The following SLC7A2 variants were observed in gnomAD, a reference collection of about 807,000 sequenced individuals.
SLC7A2 encodes cationic amino acid transporter 2.
SLC7A2 carries 48 observed loss-of-function variants against 58.9 expected under a neutral mutation model. That is an observed-to-expected ratio of 0.82 (90% CI 0.65 to 1.04). The LOEUF is 1.04. Ranked by LOEUF, SLC7A2 falls within the 50% of genes least tolerant of loss-of-function variation. The probability of loss-of-function intolerance (pLI) is 0.00; values close to 1 mark genes in which losing one functional copy is unlikely to be tolerated. For synonymous variants in SLC7A2, 363 were observed against 314.5 expected (o/e 1.15, Z -1.63); for missense variants, 1,029 against 818.8 (o/e 1.26, Z -3.13).
intron 2 of SLC7A2, among the ~76,000 whole-genome samples, chr8:17,521,253 C>G (rs1801003181): frequency 6.6e-6 from 1 of 152,084 alleles, no homozygotes; most frequent in Admixed American, 6.5e-5. Flanking sequence ...AAGGGAAATA[C>G]TTGTAGAGCT....
intron 2 of SLC7A2, among the ~76,000 whole-genome samples, chr8:17,509,880 A>G (rs952013279): frequency 7.2e-5 from 11 of 152,080 alleles, no homozygotes; most frequent in Non-Finnish European, 1.6e-4. Flanking sequence ...TTTCATTTCA[A>G]GCAGAACTGT....
intron 2 of SLC7A2, among the ~76,000 whole-genome samples, chr8:17,508,310 C>T (rs1362137155): frequency 5.3e-5 from 8 of 152,082 alleles, no homozygotes; most frequent in Admixed American, 2.0e-4. Context: ...CTACAGAGTA[C>T]AAGAGAAATG....
intron 2 of SLC7A2, among the ~76,000 whole-genome samples, chr8:17,531,577 A>T (rs541062368): frequency 6.6e-6 from 1 of 151,982 alleles, no homozygotes; most frequent in Non-Finnish European, 1.5e-5. Context: ...TTGATCAATG[A>T]TTCCAAAATA....
intron 2 of SLC7A2, among the ~76,000 whole-genome samples, chr8:17,518,974 G>C (rs1800909480): frequency 6.6e-6 from 1 of 152,116 alleles, no homozygotes; most frequent in African/African-American, 2.4e-5. Context: ...TTGGTAGAGA[G>C]AGAACACCAG....
intron 2 of SLC7A2, among the ~76,000 whole-genome samples, chr8:17,511,907 T>C (rs1800619078): frequency 6.6e-6 from 1 of 152,200 alleles, no homozygotes. Context: ...ACTGACACTA[T>C]GGAACTATGT....
chr8:17,554,394 C>A (rs143162142), intron 7 of SLC7A2, among the ~76,000 whole-genome samples, 166 bp from the exon 8 acceptor site: 40 of 151,742 alleles, frequency 2.6e-4, no homozygotes, highest in African/African-American at 9.4e-4. Context: ...TTTTAAATGC[C>A]CTATCATAGT....
intron 2 of SLC7A2, among the ~76,000 whole-genome samples, chr8:17,540,311 A>G (rs1397654680): frequency 6.6e-6 from 1 of 152,178 alleles, no homozygotes; most frequent in Non-Finnish European, 1.5e-5. Flanking sequence ...TGCAAAGGGC[A>G]TCGAGTAACC....
rs117341828 is a variant in SLC7A2 at position 17,544,905 on chromosome 8, G to A, written c.532+299G>A. Among the ~76,000 whole-genome samples, 632 of 152,270 alleles carry A rather than the reference G, an allele frequency of 4.2e-3. 3 individuals carry two copies. The highest frequency in any genetic ancestry group is 7.1e-3 in the Non-Finnish European group (485 of 68,012). ...TTAATTGCAGGTTTGCAGGAATAGC[G>A]GTGGTTTCAGTAAGGAAGAATGTGT... On this transcript the variant is annotated intron_variant, in intron 4 of 12. Transcript: ENST00000494857.
In SLC7A2 at chr8:17,557,335, G is replaced by A. The variant is rs141965293; in HGVS notation, c.1196-960G>A. Among the ~76,000 whole-genome samples the A allele has an allele frequency of 3.8e-3, 581 of 152,170 alleles. 6 individuals are homozygous for A. The highest frequency in any genetic ancestry group is 0.029 in the South Asian group (140 of 4,812). On this transcript the variant is annotated intron_variant, in intron 8 of 12. Coordinates refer to ENST00000494857, the MANE Select transcript of SLC7A2 (RefSeq NM_001370338.1). ...TCAGTGGAGAAAACAGTTGCTTAGT[G>A]GAAGTTAAGCTATTTAACTGTTTAA...
rs190919417 is a variant in SLC7A2, at chr8:17,518,939, G to A, written c.-23+16637G>A. ...AGGGCTCTTTTCCTGGCCTGCAGACGGCAGCCTTCTCCCTGTGTCCTCAGT... is the reference window on the plus strand; with the variant it reads ...AGGGCTCTTTTCCTGGCCTGCAGACAGCAGCCTTCTCCCTGTGTCCTCAGT... On this transcript the variant is annotated intron_variant, in intron 2 of 12. Transcript: ENST00000494857. Among the ~76,000 whole-genome samples the A allele has an allele frequency of 1.9e-3, 283 of 152,190 alleles. 2 individuals carry two copies. Among genetic ancestry groups the A allele is most frequent in the South Asian group, 5.4e-3 (26 of 4,808 alleles).
chr8:17,546,007 G>A (rs958634294), intron 4 of SLC7A2, among the ~76,000 whole-genome samples: 5 of 152,188 alleles, frequency 3.3e-5, no homozygotes, highest in South Asian at 2.1e-4. Flanking sequence ...AACAAAGTGC[G>A]TAGATCTAAA....
intron 2 of SLC7A2, among the ~76,000 whole-genome samples, chr8:17,530,762 G>A (rs184520995): frequency 8.6e-5 from 13 of 151,930 alleles, no homozygotes; most frequent in African/African-American, 2.2e-4. Flanking sequence ...TAGTAGAGAC[G>A]GGTTTCGCCA....
intron 7 of SLC7A2, among the ~76,000 whole-genome samples, chr8:17,553,819 T>G (rs1196529133): frequency 6.6e-6 from 1 of 152,194 alleles, no homozygotes; most frequent in African/African-American, 2.4e-5. Flanking sequence ...AATAAAATAC[T>G]TTTTTTGTTT....
chr8:17,544,477 A>G lies in SLC7A2; in HGVS notation c.403A>G (p.Ser135Gly), dbSNP rs1434677359. Residue 135 changes from serine to glycine, a missense_variant, in exon 4 of 13, where the codon AGT becomes GGT. Ser to Gly is a moderately conservative substitution (Grantham distance 56, BLOSUM62 0). Transcript: ENST00000494857. ...IGTSSVARAW[S>G]GTFDELLSKQ... is the part of the protein sequence containing the mutation. The stretch of plus-strand genomic sequence containing the variant: ...TACATCAAGTGTTGCAAGAGCCTGG[A>G]GTGGCACCTTTGATGAACTTCTTAG... 1.2e-6 allele frequency: 2 copies of G among 1,613,966 alleles called. No individual in the cohort carries two copies. Among genetic ancestry groups the G allele is most frequent in the Non-Finnish European group, 1.7e-6 (2 of 1,179,980 alleles).
chr8:17,530,960 T>C (rs1352816683), intron 2 of SLC7A2, among the ~76,000 whole-genome samples: 1 of 152,242 alleles, frequency 6.6e-6, no homozygotes, highest in Non-Finnish European at 1.5e-5. Flanking sequence ...TTTTAAAGTA[T>C]GCTGATATTT....
chr8:17,495,018 C>G (rs558971633), upstream of SLC7A2, among the ~76,000 whole-genome samples: 2 of 152,202 alleles, frequency 1.3e-5, no homozygotes, highest in South Asian at 2.1e-4. Context: ...TTGTTTATCC[C>G]AAATCATTGT....
rs750911955 is a variant in SLC7A2, at chr8:17,560,459, G to A, written c.1430G>A (p.Arg477Gln). The A allele has an allele frequency of 2.4e-5, 38 of 1,613,860 alleles. 1 individual carries two copies. Among genetic ancestry groups the A allele is most frequent in the South Asian group, 9.9e-5 (9 of 91,082 alleles). The change falls in exon 10 of 13, where the codon CGG (arginine) becomes CAG (glutamine). Residue 477 changes from arginine (R) to glutamine (Q), a missense_variant. Arg to Gln is a conservative substitution (Grantham distance 43, BLOSUM62 1). Coordinates refer to ENST00000494857, the MANE Select transcript of SLC7A2 (RefSeq NM_001370338.1). ...CTGCAGAGACAGGGCTTCAGCATGC[G>A]GACCCTCTTCTGCCCCTCCCTTCTG... Reference protein sequence around the residue: ...TMLQRQGFSMRTLFCPSLLPT... With the variant: ...TMLQRQGFSMQTLFCPSLLPT...
intron 11 of SLC7A2, among the ~76,000 whole-genome samples, chr8:17,562,570 C>A (rs562257934): frequency 6.6e-6 from 1 of 152,044 alleles, no homozygotes; most frequent in Non-Finnish European, 1.5e-5. Context: ...AACTCCTGAC[C>A]TCAGGTGATC....
intron 3 of SLC7A2, 72 bp from the exon 4 acceptor site, chr8:17,544,379 T>C (rs1802064240): frequency 7.5e-7 from 1 of 1,336,058 alleles, no homozygotes; most frequent in Non-Finnish European, 1.1e-6. Context: ...GTTTATCCTA[T>C]AATAGAGTAG....
Sources: gnomAD v4.1 joint callset for allele counts (sites outside exome capture counted in the v4.1 genomes callset) on GRCh38, gnomAD v4.1.1 for gene constraint, MANE v1.5 for transcripts, NCBI Gene and HGNC (gene_info 2026-07-23, HGNC 2026-07-21) for gene names.